The following SPTBN4 variants were observed in gnomAD, a reference collection of about 807,000 sequenced individuals.
SPTBN4 encodes spectrin beta chain, non-erythrocytic 4.
SPTBN4 carries 96 observed loss-of-function variants against 277.8 expected under a neutral mutation model. The ratio of observed to expected loss-of-function variants is 0.35; its 90% CI spans 0.29 to 0.41. The LOEUF (loss-of-function observed/expected upper bound fraction) is 0.41, where lower values mean the gene tolerates loss of function less well. Ranked by LOEUF, SPTBN4 falls within the 10% of genes least tolerant of loss-of-function variation. The pLI is 1.00. For missense variants in SPTBN4, 3,006 were observed against 3,595.7 expected, an observed-to-expected ratio of 0.84 and a Z score of 4.19; for synonymous variants, 1,481 against 1,580.3, an observed-to-expected ratio of 0.94 and a Z score of 1.49.
rs35237688 is a variant in SPTBN4 at position 40,491,713 on chromosome 19, C to CAA, written c.496-1226_496-1225dup. ...TGGGTAATAGATAGAGACTCTGTCT[C>CAA]AAAAAAAAAAAAAAAAAAAAAAAAA... On this transcript the variant is annotated intron_variant, in intron 4 of 35. Coordinates refer to ENST00000598249, the MANE Select transcript of SPTBN4 (RefSeq NM_020971.3). 9.2e-3 allele frequency among the ~76,000 whole-genome samples: 355 copies of CAA among 38,476 alleles called. 15 individuals are homozygous for CAA. The highest frequency in any genetic ancestry group is 0.015 in the African/African-American group (115 of 7,606). The allele number at this position is 38,476 out of a possible 152,430, so 25.2% of individuals were successfully genotyped here. A position where few individuals can be genotyped will look rare whatever the true frequency, so the allele number is the denominator to read the frequency against.
rs760378540 is a variant in SPTBN4, at chr19:40,560,119, C to A, written c.5671-40C>A. On this transcript the variant is annotated intron_variant, in intron 26 of 35. Transcript: ENST00000598249. This position sits in a 1 kb window ranked among gnomAD's most constrained non-coding sequence, Gnocchi z 5.2. ...GGTGGGAGGGAGGGCACAGCCTGGG[C>A]CCCGTGGAGGGCTGGCGCCCGACCT... 6 of 1,546,988 alleles carry A rather than the reference C, an allele frequency of 3.9e-6. No homozygotes were observed. In the East Asian group the frequency reaches 1.1e-4, roughly 29 times the overall value.
rs180893717 is a variant in SPTBN4 at position 40,538,866 on chromosome 19, A to G, written c.4359+4523A>G. Among the ~76,000 whole-genome samples, 421 of 152,338 alleles carry G rather than the reference A, an allele frequency of 2.8e-3. 2 individuals are homozygous for G. The highest frequency in any genetic ancestry group is 9.8e-3 in the African/African-American group (407 of 41,578). On this transcript the variant is annotated intron_variant, in intron 20 of 35. Transcript: ENST00000598249. ...TAGTCTCCCAAAGTGCTGGGATTAC[A>G]GGGGTGAAGCACTGCCCCTGGATAA... is the stretch of plus-strand genomic sequence containing the variant.
intron 19 of SPTBN4, 52 bp from the exon 20 acceptor site, chr19:40,534,028 C>T: frequency 6.5e-7 from 1 of 1,538,970 alleles, no homozygotes; most frequent in Non-Finnish European, 8.8e-7. Context: ...TCTGATTCTC[C>T]CCACCATCTA....
chr19:40,498,373 TTTTATTTATTTATTTA>T (rs372763000), intron 7 of SPTBN4, among the ~76,000 whole-genome samples: 68 of 141,162 alleles, frequency 4.8e-4, no homozygotes, highest in East Asian at 1.1e-3. Context: ...TTTTATTTTA[TTTTATTTATTTATTTA>T]TTTATTTATT....
Position 40,513,282 on chromosome 19 carries a change from C to T in SPTBN4, c.2493C>T (p.Gly831=). 6.5e-7 allele frequency: 1 copy of T among 1,540,116 alleles called. No individual in the cohort carries two copies. The highest frequency in any genetic ancestry group is 8.7e-7 in the Non-Finnish European group (1 of 1,148,102). ...EVEAHRGPVS[G]LRRQLATLGG... ...AGGCACATCGCGGGCCCGTGAGCGGCCTGCGGCGCCAGCTGGCGACACTCG... is the reference window on the plus strand; with the variant it reads ...AGGCACATCGCGGGCCCGTGAGCGGTCTGCGGCGCCAGCTGGCGACACTCG... Residue 831 remains glycine, a synonymous_variant, in exon 14 of 36, where the codon GGC becomes GGT. Coordinates refer to ENST00000598249, the MANE Select transcript of SPTBN4 (RefSeq NM_020971.3).
chr19:40,545,606 T>C (rs2080850506), intron 20 of SPTBN4, among the ~76,000 whole-genome samples: 1 of 152,034 alleles, frequency 6.6e-6, no homozygotes, highest in Non-Finnish European at 1.5e-5. Flanking sequence ...GCCAACCTAA[T>C]GTGTAGAAAA....
chr19:40,501,083 T>C (rs2080258219), intron 7 of SPTBN4, among the ~76,000 whole-genome samples: 1 of 151,642 alleles, frequency 6.6e-6, no homozygotes, highest in Non-Finnish European at 1.5e-5. Context: ...CTAAGGAAAT[T>C]TGAGTTGAGC....
At chr19:40,565,586 C>T in intron 28 of SPTBN4, 25 bp downstream of exon 28, 2 of 1,607,068 alleles carry the variant, frequency 1.2e-6, no homozygotes, top group Non-Finnish European at 1.7e-6. Context: ...GGGGGTCCCC[C>T]TCTGCCACCC....
At chr19:40,568,401 G>C in intron 31 of SPTBN4, 119 bp downstream of exon 31, 1 of 1,360,744 alleles carries the variant, frequency 7.3e-7, no homozygotes, top group Non-Finnish European at 9.8e-7. Context: ...AGGAGATATC[G>C]CCGCGGTACC....
In SPTBN4 at chr19:40,522,348, A is replaced by ATTT. The variant is rs567161952; in HGVS notation, c.3655-1071_3655-1069dup. Among the ~76,000 whole-genome samples, 817 of 117,672 alleles carry ATTT rather than the reference A, an allele frequency of 6.9e-3. 17 individuals are homozygous for ATTT. The highest frequency in any genetic ancestry group is 0.023 in the African/African-American group (736 of 31,338). 77.2% of individuals were successfully genotyped at this position (117,672 alleles called of 152,430 possible). ...CAGCCTTCAGTCTTCATAGTAACCAATTTTTTTTTTTTTTTTTTTTGAGAT... is the reference window on the plus strand; with the variant it reads ...CAGCCTTCAGTCTTCATAGTAACCAATTTTTTTTTTTTTTTTTTTTTTTGAGAT... On this transcript the variant is annotated intron_variant, in intron 16 of 35. Transcript: ENST00000598249.
intron 27 of SPTBN4, among the ~76,000 whole-genome samples, chr19:40,563,287 GC>G (rs1432784498): frequency 2.0e-5 from 3 of 152,002 alleles, no homozygotes; most frequent in African/African-American, 7.2e-5. Flanking sequence ...TGGAGGCTAA[GC>G]CAGGATGATC....
chr19:40,496,544 A>G (rs80292777), intron 6 of SPTBN4, among the ~76,000 whole-genome samples: 30,383 of 152,052 alleles, frequency 0.2, 3,242 homozygotes, highest in Middle Eastern at 0.26. Context: ...TCAGCTTCCC[A>G]AAGTGCTGGG....
rs2080122416 is a variant in SPTBN4 at position 40,490,267 on chromosome 19, CT to C, written c.495+20del. On this transcript the variant is annotated intron_variant, in intron 4 of 35. Transcript: ENST00000598249. The surrounding 1 kb of genome is among the most constrained non-coding windows in gnomAD (Gnocchi z 4.3). ...CTTCCAGGTGACCCTCGAGTGGCCC[CT>C]GCCAAGCCCCGCAACATGGGACTTA... 2.5e-6 allele frequency: 4 copies of C among 1,607,690 alleles called. No individual in the cohort carries two copies. Among genetic ancestry groups the C allele is most frequent in the Non-Finnish European group, 1.7e-6 (2 of 1,176,280 alleles).
intron 13 of SPTBN4, among the ~76,000 whole-genome samples, chr19:40,512,050 G>C (rs965097969): frequency 6.6e-6 from 1 of 152,164 alleles, no homozygotes; most frequent in African/African-American, 2.4e-5. Context: ...CTTAAACCTG[G>C]AGGTGGAGGT....
intron 32 of SPTBN4, 73 bp downstream of exon 32, chr19:40,569,799 G>A (rs993584596): frequency 1.4e-6 from 2 of 1,448,558 alleles, no homozygotes; most frequent in Admixed American, 4.4e-5. Context: ...CTCAGAAACA[G>A]CCAGTGCCTA....
intron 29 of SPTBN4, 62 bp from the exon 30 acceptor site, chr19:40,566,101 C>T (rs2081089169): frequency 7.0e-7 from 1 of 1,427,520 alleles, no homozygotes; most frequent in Non-Finnish European, 9.3e-7. Flanking sequence ...AGGGGAACAG[C>T]CATTGCCCCC....
chr19:40,529,165 TCCC>T lies in SPTBN4; in HGVS notation c.3948+36_3948+38del, dbSNP rs1489557993. On this transcript the variant is annotated intron_variant, in intron 18 of 35. Transcript: ENST00000598249. ...TCCAGGTGTGCTGGGGACGGAGACA[TCCC>T]CTTTAGTCGGGAGGGAAGTGCTTCT... 2.6e-6 allele frequency: 4 copies of T among 1,565,628 alleles called. No individual in the cohort carries two copies. The South Asian group carries it at 3.3e-5, about 13-fold the overall frequency.
rs779810878 is a variant in SPTBN4, at chr19:40,513,240, G to A, written c.2451G>A (p.Ala817=). ...SSRRLARQHR[A]LTGEVEAHRG... ...GCCGCCTGGCGCGCCAGCACCGCGC[G>A]CTCACCGGGGAGGTGGAGGCACATC... The change falls in exon 14 of 36, where the codon GCG becomes GCA. Residue 817 remains alanine (A), a synonymous_variant. Coordinates refer to ENST00000598249, the MANE Select transcript of SPTBN4 (RefSeq NM_020971.3). The A allele has an allele frequency of 3.8e-5, 58 of 1,516,026 alleles. No homozygotes were observed. The highest frequency in any genetic ancestry group is 4.9e-5 in the Non-Finnish European group (56 of 1,139,084). The allele number at this position is 1,516,026 out of a possible 1,614,324, so 93.9% of individuals were successfully genotyped here.
chr19:40,513,609 C>A (rs909660156), intron 14 of SPTBN4, 55 bp downstream of exon 14: 2 of 1,439,936 alleles, frequency 1.4e-6, no homozygotes, highest in South Asian at 1.4e-5. Context: ...CCCAGTCTCA[C>A]CTTCATTGGC....
Sources: gnomAD v4.1 joint callset for allele counts (sites outside exome capture counted in the v4.1 genomes callset) on GRCh38, gnomAD v4.1.1 for gene constraint, Gnocchi (gnomAD v3.1) non-coding constraint, MANE v1.5 for transcripts, NCBI Gene and HGNC (gene_info 2026-07-23, HGNC 2026-07-21) for gene names.